The following GRAMD2A variants were observed in gnomAD, a reference collection of about 807,000 sequenced individuals.
GRAMD2A encodes the protein GRAM domain-containing protein 2A.
GRAMD2A carries 37 observed loss-of-function variants against 51.1 expected under a neutral mutation model. The observed-to-expected ratio is 0.72, with a 90% CI of 0.56 to 0.95. GRAMD2A has a LOEUF of 0.95. Ranked by LOEUF, GRAMD2A falls within the 40% of genes least tolerant of loss-of-function variation. The pLI is 0.00. For missense variants in GRAMD2A, 414 were observed against 426.9 expected (o/e 0.97, Z 0.27); for synonymous variants, 136 against 157.1 (o/e 0.87, Z 1.01).
At chr15:72,181,337 C>T (rs1171167089) in intron 1 of GRAMD2A, among the ~76,000 whole-genome samples, 1 of 152,184 alleles carries the variant, frequency 6.6e-6, no homozygotes, top group Non-Finnish European at 1.5e-5. Flanking sequence ...TAATTTGTTT[C>T]CAAGTAATCC....
At chr15:72,180,283 C>T (rs974627750) in intron 1 of GRAMD2A, among the ~76,000 whole-genome samples, 3 of 152,248 alleles carry the variant, frequency 2.0e-5, no homozygotes, top group Admixed American at 6.5e-5. Flanking sequence ...GCTGCTGGAG[C>T]GGCATCTATT....
At position 72,161,822 on chromosome 15, in the gene GRAMD2A, A is replaced by G; in HGVS notation, c.*187T>C. 1 of 624,550 alleles carries G rather than the reference A, an allele frequency of 1.6e-6. No individual in the cohort carries two copies. The allele number at this position is 624,550 out of a possible 1,614,324, so 38.7% of individuals were successfully genotyped here. A position where few individuals can be genotyped will look rare whatever the true frequency, so the allele number is the denominator to read the frequency against. On this transcript the variant is annotated 3_prime_UTR_variant, in exon 12 of 12. Transcript: ENST00000309731. ...AAATTGTAGAAGCCAGTTACTTTGT[A>G]AACACGTACTTCAGATCTCTCATAG...
At chr15:72,175,173 C>T (rs2081643969) in intron 1 of GRAMD2A, among the ~76,000 whole-genome samples, 1 of 152,022 alleles carries the variant, frequency 6.6e-6, no homozygotes, top group African/African-American at 2.4e-5. Flanking sequence ...GCCCTCAGGT[C>T]CCCCCCAAGA....
intron 8 of GRAMD2A, 57 bp downstream of exon 8, chr15:72,165,297 C>T: frequency 1.9e-6 from 3 of 1,548,146 alleles, no homozygotes; most frequent in Non-Finnish European, 2.7e-6. Flanking sequence ...GCCCAGAAGC[C>T]TCAGAGCTCC....
intron 1 of GRAMD2A, among the ~76,000 whole-genome samples, chr15:72,174,310 A>C (rs2081636152): frequency 6.6e-6 from 1 of 152,178 alleles, no homozygotes; most frequent in African/African-American, 2.4e-5. Context: ...AGGGCCAAGA[A>C]GGAGGCTTCA....
At chr15:72,175,288 C>G (rs956546264) in intron 1 of GRAMD2A, among the ~76,000 whole-genome samples, 1 of 152,224 alleles carries the variant, frequency 6.6e-6, no homozygotes, top group East Asian at 1.9e-4. Context: ...AAAACTGCCT[C>G]CGGCTGTGCG....
intron 1 of GRAMD2A, among the ~76,000 whole-genome samples, chr15:72,180,227 C>T (rs1331026877): frequency 6.6e-6 from 1 of 152,232 alleles, no homozygotes; most frequent in East Asian, 1.9e-4. Context: ...AGAGCCGGCT[C>T]TGCAGAGAGT....
intron 1 of GRAMD2A, among the ~76,000 whole-genome samples, chr15:72,182,478 G>A (rs1049082743): frequency 2.7e-5 from 4 of 150,414 alleles, no homozygotes; most frequent in South Asian, 2.1e-4. Flanking sequence ...ATATGACACC[G>A]AAAGCATAAG....
In GRAMD2A at chr15:72,166,970, G is replaced by C; in HGVS notation, c.471+24C>G. ...GGGCTGGGAGCGGGAGACTGACAAG[G>C]GAGCATGGGCCCAGTGCACTGACCT... On this transcript the variant is annotated intron_variant, in intron 6 of 11. Coordinates refer to ENST00000309731, the MANE Select transcript of GRAMD2A (RefSeq NM_001012642.3). This position sits in a 1 kb window ranked among gnomAD's most constrained non-coding sequence, Gnocchi z 4.1. 1 of 1,575,818 alleles carries C rather than the reference G, an allele frequency of 6.3e-7. No individual in the cohort carries two copies. The highest frequency in any genetic ancestry group is 8.7e-7 in the Non-Finnish European group (1 of 1,145,146).
In GRAMD2A at chr15:72,168,670, G is replaced by C. The variant is rs77154520; in HGVS notation, c.193-104C>G. On this transcript the variant is annotated intron_variant, in intron 3 of 11. Coordinates refer to ENST00000309731, the MANE Select transcript of GRAMD2A (RefSeq NM_001012642.3). ...TGCCACAGCCCCCCGGCCCATGCTG[G>C]GGACTTAGCATGAGGCAGCTAGTAA... 2,415 of 989,140 alleles carry C rather than the reference G, an allele frequency of 2.4e-3. 43 individuals carry two copies. In the African/African-American group the frequency reaches 0.034, roughly 14 times the overall value. The allele number at this position is 989,140 out of a possible 1,614,324, so 61.3% of individuals were successfully genotyped here.
chr15:72,175,302 A>G (rs2081645056), intron 1 of GRAMD2A, among the ~76,000 whole-genome samples: 1 of 152,172 alleles, frequency 6.6e-6, no homozygotes, highest in South Asian at 2.1e-4. Context: ...CTGTGCGGGT[A>G]CACACTGCCT....
At position 72,168,561 on chromosome 15, in the gene GRAMD2A, T is replaced by G; in HGVS notation, c.198A>C (p.Thr66=). ...GGTATTGCTGGTTGTATTTATTCAG[T>G]GTTATCTGCAAACACACAGGCTGCG... is the stretch of plus-strand genomic sequence containing the variant. ...EIKKCGREGI[T]LNKYNQQYHK... is the part of the protein sequence containing the mutation. Residue 66 remains threonine, a synonymous_variant, in exon 4 of 12, where the codon ACA becomes ACC. Transcript: ENST00000309731. The G allele has an allele frequency of 1.9e-6, 3 of 1,613,458 alleles. No individual in the cohort carries two copies. Among genetic ancestry groups the G allele is most frequent in the Non-Finnish European group, 2.5e-6 (3 of 1,179,560 alleles).
intron 1 of GRAMD2A, among the ~76,000 whole-genome samples, chr15:72,172,332 A>G (rs2081619173): frequency 6.6e-6 from 1 of 151,492 alleles, no homozygotes; most frequent in Non-Finnish European, 1.5e-5. Context: ...TGTGTTGTCC[A>G]GGCTGGTCCT....
At chr15:72,168,441 G>T in intron 4 of GRAMD2A, 50 bp downstream of exon 4, 1 of 1,388,662 alleles carries the variant, frequency 7.2e-7, no homozygotes, top group Non-Finnish European at 1.0e-6. Flanking sequence ...AGAGGCCCCT[G>T]GCCCCAGGCA....
Position 72,169,931 on chromosome 15 carries a change from T to C in GRAMD2A, c.50A>G (p.Gln17Arg), listed in dbSNP as rs1288186109. The C allele has an allele frequency of 1.9e-6, 3 of 1,613,886 alleles. No individual in the cohort carries two copies. In the African/African-American group the frequency reaches 4.0e-5, roughly 22 times the overall value. Residue 17 changes from glutamine (Q) to arginine (R), a missense_variant, in exon 2 of 12, where the codon CAA becomes CGA. Coordinates refer to ENST00000309731, the MANE Select transcript of GRAMD2A (RefSeq NM_001012642.3). ...SEATEEGGNQ[Q>R]MHRKTASLNS... ...CAGAGAAGCTGTCTTTCTGTGCATT[T>C]GTTGGTTGCTAGGGAAAAACAGGCC...
In GRAMD2A at chr15:72,177,043, A is replaced by AT. The variant is rs200829334; in HGVS notation, c.42-7105dup. On this transcript the variant is annotated intron_variant, in intron 1 of 11. Transcript: ENST00000309731. ...ACCATGCCCAGCTATTTTTTAAAAA[A>AT]TTTTTTTATAGAGATAAGGTCTTGC... Among the ~76,000 whole-genome samples the AT allele has an allele frequency of 5.1e-3, 773 of 150,238 alleles. 7 individuals carry two copies. The highest frequency in any genetic ancestry group is 9.7e-3 in the Admixed American group (147 of 15,110).
intron 1 of GRAMD2A, among the ~76,000 whole-genome samples, chr15:72,178,638 C>T (rs1169085157): frequency 7.3e-6 from 1 of 136,546 alleles, no homozygotes; most frequent in Non-Finnish European, 1.5e-5. Flanking sequence ...TGCAGTGGCG[C>T]AATCTCGGCT....
intron 1 of GRAMD2A, among the ~76,000 whole-genome samples, chr15:72,176,977 G>A (rs2081658078): frequency 6.8e-6 from 1 of 147,706 alleles, no homozygotes; most frequent in African/African-American, 2.5e-5. Context: ...TGATCCTCCT[G>A]CCTAAGCCTC....
chr15:72,184,033 G>A (rs561424489), intron 1 of GRAMD2A, among the ~76,000 whole-genome samples: 3 of 152,302 alleles, frequency 2.0e-5, no homozygotes, highest in African/African-American at 4.8e-5. Context: ...CCTGCCCTCC[G>A]CCCTCCCTCG....
Sources: allele counts gnomAD v4.1 joint callset (sites outside exome capture counted in the v4.1 genomes callset), GRCh38; gene constraint gnomAD v4.1.1; non-coding constraint Gnocchi (gnomAD v3.1); transcripts MANE v1.5; gene names NCBI Gene and HGNC (gene_info 2026-07-23, HGNC 2026-07-21).